The following ITK variants were observed in gnomAD, a reference collection of about 807,000 sequenced individuals.
ITK encodes IL2 inducible T cell kinase.
ITK carries 45 observed loss-of-function variants against 87.6 expected under a neutral mutation model. That is an observed-to-expected ratio of 0.51 (90% confidence interval 0.40 to 0.66). The LOEUF (loss-of-function observed/expected upper bound fraction) is 0.66, where lower values mean the gene tolerates loss of function less well. ITK is among the 30% of genes least tolerant of loss of function. The pLI, the probability that ITK is intolerant of heterozygous loss-of-function variation, is 0.00. For missense variants in ITK, 605 were observed against 766.3 expected (o/e 0.79, Z 2.48); for synonymous variants, 303 against 273.6 (o/e 1.11, Z -1.06).
intron 5 of ITK, among the ~76,000 whole-genome samples, chr5:157,220,115 C>T (rs2113759375): frequency 6.6e-6 from 1 of 152,294 alleles, no homozygotes; most frequent in Admixed American, 6.5e-5. Context: ...TACAGAGAAA[C>T]TGTTTTTAAT....
At chr5:157,204,059 C>T (rs1035310103) in intron 1 of ITK, among the ~76,000 whole-genome samples, 1 of 152,092 alleles carries the variant, frequency 6.6e-6, no homozygotes, top group Non-Finnish European at 1.5e-5. Context: ...AGGCTGGGGT[C>T]GACGGCACCA....
chr5:157,188,790 T>G (rs1753695420), intron 1 of ITK, among the ~76,000 whole-genome samples: 1 of 152,286 alleles, frequency 6.6e-6, no homozygotes, highest in South Asian at 2.1e-4. Flanking sequence ...TGTTGTTGAT[T>G]TATTTCCCAT....
Position 157,211,169 on chromosome 5 carries a change from A to G in ITK, c.244-118A>G. 9.7e-6 allele frequency: 8 copies of G among 824,952 alleles called. 1 individual carries two copies. The South Asian group carries it at 1.1e-4, about 11-fold the overall frequency. The allele number at this position is 824,952 out of a possible 1,614,324, so 51.1% of individuals were successfully genotyped here. ...AGGATACTGGCCCCCTAATTACCCA[A>G]ATGTTTGCCTATATGACGATAAACA... is the stretch of plus-strand genomic sequence containing the variant. On this transcript the variant is annotated intron_variant, in intron 2 of 16. Coordinates refer to ENST00000422843, the MANE Select transcript of ITK (RefSeq NM_005546.4).
At position 157,240,078 on chromosome 5, in the gene ITK, A is replaced by G. The variant is rs150729024; in HGVS notation, c.868A>G (p.Ile290Val). 63 of 1,611,466 alleles carry G rather than the reference A, an allele frequency of 3.9e-5. No individual in the cohort carries two copies. The highest frequency in any genetic ancestry group is 4.9e-5 in the Non-Finnish European group (58 of 1,177,640). ...KAVVSENNPC[I>V]KHYHIKETND... ...TTGTTTAAGTGAGAACAATCCCTGT[A>G]TAAAGCATTATCACATCAAGGAAAC... is the stretch of plus-strand genomic sequence containing the variant. Residue 290 changes from isoleucine to valine, a missense_variant, in exon 10 of 17, where the codon ATA becomes GTA. Coordinates refer to ENST00000422843, the MANE Select transcript of ITK (RefSeq NM_005546.4).
intron 1 of ITK, chr5:157,195,504 T>C (rs1156280607): frequency 6.6e-6 from 1 of 152,240 alleles, no homozygotes; most frequent in East Asian, 1.9e-4. Context: ...TAATGGCCTT[T>C]CGCCATGTGG....
chr5:157,194,525 G>A lies in ITK; in HGVS notation c.138+13410G>A, dbSNP rs561950722. 5.3e-5 allele frequency among the ~76,000 whole-genome samples: 8 copies of A among 152,284 alleles called. No homozygotes were observed. In the South Asian group the frequency reaches 1.2e-3, roughly 24 times the overall value. Reference sequence around the variant, plus strand: ...ACCAGGAGGAAAGTATTAGCCTAGCGAAGTGACCCAGAAAGGGAGTTTGAG... The same window carrying A: ...ACCAGGAGGAAAGTATTAGCCTAGCAAAGTGACCCAGAAAGGGAGTTTGAG... On this transcript the variant is annotated intron_variant, in intron 1 of 16. Coordinates refer to ENST00000422843, the MANE Select transcript of ITK (RefSeq NM_005546.4).
At chr5:157,222,176 G>A (rs1039735395) in intron 5 of ITK, among the ~76,000 whole-genome samples, 3 of 152,244 alleles carry the variant, frequency 2.0e-5, no homozygotes, top group Non-Finnish European at 1.5e-5. Context: ...CTCTCACAAA[G>A]TCTGCTAACC....
At chr5:157,199,242 A>T (rs1470100639) in intron 1 of ITK, 1 of 152,178 alleles carries the variant, frequency 6.6e-6, no homozygotes, top group Admixed American at 6.5e-5. Flanking sequence ...CCTACTTGAA[A>T]GCTCCAGTTC....
chr5:157,200,920 A>G (rs1167834437), intron 1 of ITK, among the ~76,000 whole-genome samples: 2 of 152,180 alleles, frequency 1.3e-5, no homozygotes, highest in East Asian at 3.9e-4. Context: ...GCAAATTGAG[A>G]TATGCACAAA....
chr5:157,211,987 G>T (rs1288246965), intron 3 of ITK, among the ~76,000 whole-genome samples: 1 of 152,176 alleles, frequency 6.6e-6, no homozygotes, highest in Non-Finnish European at 1.5e-5. Context: ...CATTGGTAAG[G>T]GTATTTCTTA....
At position 157,244,387 on chromosome 5, in the gene ITK, T is replaced by A; in HGVS notation, c.1358T>A (p.Leu453His). 6.2e-7 allele frequency: 1 copy of A among 1,613,990 alleles called. No homozygotes were observed. Among genetic ancestry groups the A allele is most frequent in the Non-Finnish European group, 8.5e-7 (1 of 1,179,948 alleles). Reference sequence around the variant, plus strand: ...GATTATCTACGCACCCAGCGGGGACTTTTTGCTGCAGAGACCCTGCTGGGC... The same window carrying A: ...GATTATCTACGCACCCAGCGGGGACATTTTGCTGCAGAGACCCTGCTGGGC... ...LSDYLRTQRG[L>H]FAAETLLGMC... The change falls in exon 13 of 17, where the codon CTT becomes CAT. Residue 453 changes from leucine to histidine, a missense_variant. Physicochemically the swap from Leu to His is moderately conservative, Grantham distance 99 (BLOSUM62 -3). This residue lies in a region of ITK where 464 missense variants were observed against 578.0 expected (regional missense o/e 0.80). Transcript: ENST00000422843.
intron 2 of ITK, among the ~76,000 whole-genome samples, chr5:157,209,905 G>A (rs1264455084): frequency 6.6e-6 from 1 of 151,640 alleles, no homozygotes; most frequent in Non-Finnish European, 1.5e-5. Context: ...ACTGGTTATA[G>A]AATGTTCCTA....
At chr5:157,229,750 A>G (rs1269564809) in intron 7 of ITK, among the ~76,000 whole-genome samples, 1 of 152,134 alleles carries the variant, frequency 6.6e-6, no homozygotes, top group Non-Finnish European at 1.5e-5. Context: ...CACCGTCTCT[A>G]CTAAAAATAC....
chr5:157,200,389 C>T (rs936011443), intron 1 of ITK, among the ~76,000 whole-genome samples: 3 of 152,192 alleles, frequency 2.0e-5, no homozygotes, highest in African/African-American at 4.8e-5. Flanking sequence ...CTCTCCCTTT[C>T]TCTGGTGGCT....
intron 1 of ITK, among the ~76,000 whole-genome samples, chr5:157,200,013 G>A (rs1465696526): frequency 6.6e-6 from 1 of 151,512 alleles, no homozygotes; most frequent in African/African-American, 2.4e-5. Context: ...TTCTCTGTGA[G>A]ATCTATTGAA....
chr5:157,214,193 A>G lies in ITK; in HGVS notation c.328A>G (p.Thr110Ala). 3 of 1,612,412 alleles carry G rather than the reference A, an allele frequency of 1.9e-6. No homozygotes were observed. The highest frequency in any genetic ancestry group is 2.5e-6 in the Non-Finnish European group (3 of 1,178,414). The stretch of plus-strand genomic sequence containing the variant: ...CTGTTGGTGCCAACCTGTTTCAGAA[A>G]CGAGGAATAATAACAGTTTGGTGCC... The part of the protein sequence containing the change: ...QRWVLALKEE[T>A]RNNNSLVPKY... Residue 110 changes from threonine (T) to alanine (A), a missense_variant and splice_region_variant, in exon 4 of 17, where the codon ACG becomes GCG. Around this residue, in one of 3 missense-constraint regions of ITK, gnomAD observed 464 missense variants for 578.0 expected, o/e 0.80. Transcript: ENST00000422843.
chr5:157,199,842 C>T (rs929669648), intron 1 of ITK: 1 of 152,152 alleles, frequency 6.6e-6, no homozygotes. Context: ...CTCTTTGAAA[C>T]TTATAATCCA....
At chr5:157,194,958 T>C (rs892137662) in intron 1 of ITK, 1 of 152,210 alleles carries the variant, frequency 6.6e-6, no homozygotes, top group African/African-American at 2.4e-5. Context: ...TGCTTTTAAG[T>C]AGTTCCAAGA....
chr5:157,181,239 C>A, intron 1 of ITK, 124 bp downstream of exon 1: 1 of 1,052,936 alleles, frequency 9.5e-7, no homozygotes, highest in Non-Finnish European at 1.5e-6. Context: ...ATTGTAACAA[C>A]ATAAAAAGTA....
Sources: gnomAD v4.1 joint callset for allele counts (sites outside exome capture counted in the v4.1 genomes callset) on GRCh38, gnomAD v4.1.1 for gene constraint, gnomAD v4.1.1 regional missense constraint, MANE v1.5 for transcripts, NCBI Gene and HGNC (gene_info 2026-07-23, HGNC 2026-07-21) for gene names.